Variants in DNAAF9 observed in about 807,000 individuals in gnomAD.
DNAAF9 encodes the protein shulin.
A neutral mutation model predicts 167.0 loss-of-function variants in DNAAF9; 90 were observed. The observed-to-expected ratio is 0.54, with a 90% CI of 0.45 to 0.64. DNAAF9 has a LOEUF of 0.64. DNAAF9 is among the 30% of genes least tolerant of loss of function. DNAAF9 has a pLI of 0.00. For missense variants in DNAAF9, 1,315 were observed against 1,442.2 expected (o/e 0.91, Z 1.43); for synonymous variants, 491 against 508.8 (o/e 0.96, Z 0.47).
chr20:3,274,012 A>G (rs1247605625), intron 29 of DNAAF9, among the ~76,000 whole-genome samples: 1 of 152,050 alleles, frequency 6.6e-6, no homozygotes, highest in East Asian at 1.9e-4. Flanking sequence ...AATCTTTCTT[A>G]ACATTTTATC....
chr20:3,282,323 AT>A (rs576866713), intron 27 of DNAAF9, among the ~76,000 whole-genome samples: 175 of 151,768 alleles, frequency 1.2e-3, no homozygotes, highest in African/African-American at 3.7e-3. Flanking sequence ...GCTCAAATAT[AT>A]TTTTTTTGGT....
Position 3,252,185 on chromosome 20 carries a change from G to A in DNAAF9, c.*387C>T, listed in dbSNP as rs891428905. The A allele has an allele frequency of 1.9e-5, 3 of 158,278 alleles. No homozygotes were observed. Among genetic ancestry groups the A allele is most frequent in the Non-Finnish European group, 4.2e-5 (3 of 72,120 alleles). The allele number at this position is 158,278 out of a possible 1,614,324, so 9.8% of individuals were successfully genotyped here. On this transcript the variant is annotated 3_prime_UTR_variant, in exon 37 of 37. Coordinates refer to ENST00000252032, the MANE Select transcript of DNAAF9 (RefSeq NM_001009984.3). ...TGTCGTGGCCTCGCCTCCCAGACAC[G>A]GCCACAGTTCAGGCAGCCAGGGTTC...
At chr20:3,350,423 A>G (rs1467870145) in intron 7 of DNAAF9, among the ~76,000 whole-genome samples, 1 of 152,204 alleles carries the variant, frequency 6.6e-6, no homozygotes, top group East Asian at 1.9e-4. Flanking sequence ...GTGTGTGTAT[A>G]CAGGTATCTT....
chr20:3,324,807 G>A, intron 14 of DNAAF9, 85 bp downstream of exon 14: 2 of 733,130 alleles, frequency 2.7e-6, no homozygotes, highest in South Asian at 1.6e-5. Flanking sequence ...TCAAAGGGGA[G>A]ATGAAATCTA....
chr20:3,330,830 C>T (rs796550901), intron 11 of DNAAF9, 148 bp from the exon 12 acceptor site: 30 of 545,396 alleles, frequency 5.5e-5, no homozygotes, highest in East Asian at 2.0e-4. Flanking sequence ...TTAGCTTTGT[C>T]GCCCAGGCTG....
At chr20:3,279,086 C>T (rs1017100197) in intron 28 of DNAAF9, 137 bp from the exon 29 acceptor site, 2 of 679,010 alleles carry the variant, frequency 2.9e-6, no homozygotes, top group Admixed American at 4.9e-5. Flanking sequence ...GCACTGAGCA[C>T]TAAGGATAGC....
At chr20:3,274,378 G>T (rs1459305749) in intron 29 of DNAAF9, among the ~76,000 whole-genome samples, 1 of 152,090 alleles carries the variant, frequency 6.6e-6, no homozygotes, top group African/African-American at 2.4e-5. Flanking sequence ...CCTGACCTCA[G>T]GTGATCCACC....
chr20:3,284,072 C>A (rs1223609808), intron 27 of DNAAF9, among the ~76,000 whole-genome samples: 2 of 152,088 alleles, frequency 1.3e-5, no homozygotes, highest in African/African-American at 4.8e-5. Context: ...CCTGTTAGAA[C>A]CTCCCTCCCT....
chr20:3,394,344 A>C lies in DNAAF9; in HGVS notation c.84-11838T>G, dbSNP rs182428771. 1.6e-4 allele frequency among the ~76,000 whole-genome samples: 24 copies of C among 152,186 alleles called. No individual in the cohort carries two copies. In the East Asian group the frequency reaches 4.4e-3, roughly 28 times the overall value. On this transcript the variant is annotated intron_variant, in intron 1 of 36. Transcript: ENST00000252032. ...CAAGAGTGAAACTCCGTCTCAAAAA[A>C]AAAAAAAAAAAGTTGTATTTTGGCC...
At chr20:3,332,443 A>G in intron 10 of DNAAF9, 82 bp from the exon 11 acceptor site, 1 of 702,468 alleles carries the variant, frequency 1.4e-6, no homozygotes, top group Non-Finnish European at 2.5e-6. Flanking sequence ...TATAGAGTCA[A>G]TGGAAATAAA....
chr20:3,355,402 C>T (rs1030862630), intron 7 of DNAAF9, among the ~76,000 whole-genome samples: 3 of 151,986 alleles, frequency 2.0e-5, no homozygotes, highest in African/African-American at 7.2e-5. Flanking sequence ...TGGTAAAACC[C>T]CGTCTCTACT....
chr20:3,292,771 AG>A, intron 25 of DNAAF9, among the ~76,000 whole-genome samples: 4 of 148,804 alleles, frequency 2.7e-5, no homozygotes. Context: ...ATTTCAAAAA[AG>A]AAAAAAAAAA....
intron 1 of DNAAF9, among the ~76,000 whole-genome samples, chr20:3,402,727 G>A (rs939246947): frequency 7.9e-5 from 12 of 152,086 alleles, no homozygotes; most frequent in African/African-American, 2.9e-4. Context: ...ACAGGCGCAT[G>A]CCACCACGCC....
At chr20:3,384,848 G>A (rs2083712287) in intron 1 of DNAAF9, among the ~76,000 whole-genome samples, 1 of 151,744 alleles carries the variant, frequency 6.6e-6, no homozygotes, top group Admixed American at 6.6e-5. Context: ...GGCTAAAGAA[G>A]AAAAATCACA....
intron 1 of DNAAF9, among the ~76,000 whole-genome samples, chr20:3,391,457 T>C (rs1415150011): frequency 2.0e-5 from 3 of 152,200 alleles, no homozygotes; most frequent in Admixed American, 6.5e-5. Flanking sequence ...GTTGAATATT[T>C]ACTGTCTATT....
At chr20:3,344,888 T>C (rs1284028551) in intron 8 of DNAAF9, among the ~76,000 whole-genome samples, 2 of 152,226 alleles carry the variant, frequency 1.3e-5, no homozygotes, top group Admixed American at 6.5e-5. Flanking sequence ...TCATTGTTTG[T>C]TGTCTTCTTT....
chr20:3,326,273 G>T lies in DNAAF9; in HGVS notation c.1112C>A (p.Ser371Tyr). 6.2e-7 allele frequency: 1 copy of T among 1,611,384 alleles called. No individual in the cohort carries two copies. Among genetic ancestry groups the T allele is most frequent in the South Asian group, 1.1e-5 (1 of 90,748 alleles). The change falls in exon 13 of 37, where the codon TCC (serine) becomes TAC (tyrosine). Residue 371 changes from serine (S) to tyrosine (Y), a missense_variant. This residue lies in a region of DNAAF9 where 981 missense variants were observed against 1,012.5 expected (regional missense o/e 0.97). Coordinates refer to ENST00000252032, the MANE Select transcript of DNAAF9 (RefSeq NM_001009984.3). ...CTCAATAACAGCAGCATATATCTGG[G>T]ACAATAGCCTACTTTAAAAACAAAA... ...PKKTEQIRLLSQIYAAVIEAV... is the reference protein window; with the variant it reads ...PKKTEQIRLLYQIYAAVIEAV...
intron 21 of DNAAF9, among the ~76,000 whole-genome samples, chr20:3,303,241 C>CAA (rs778026384): frequency 2.9e-4 from 34 of 118,018 alleles, no homozygotes; most frequent in African/African-American, 7.9e-4. Flanking sequence ...GACTCTGTCT[C>CAA]AAAAAAAAAA....
intron 1 of DNAAF9, among the ~76,000 whole-genome samples, chr20:3,399,507 C>T (rs1488427773): frequency 2.0e-5 from 3 of 152,256 alleles, no homozygotes; most frequent in African/African-American, 7.2e-5. Context: ...TGCGCCCGGC[C>T]TCCTTTTCTT....
Sources: gnomAD v4.1 joint callset for allele counts (sites outside exome capture counted in the v4.1 genomes callset) on GRCh38, gnomAD v4.1.1 for gene constraint, gnomAD v4.1.1 regional missense constraint, MANE v1.5 for transcripts, NCBI Gene and HGNC (gene_info 2026-07-23, HGNC 2026-07-21) for gene names.